Variants in UBR7 observed in about 807,000 individuals in gnomAD.
UBR7 encodes the protein putative E3 ubiquitin-protein ligase UBR7.
A neutral mutation model predicts 57.0 loss-of-function variants in UBR7; 22 were observed. The observed-to-expected ratio is 0.39, with a 90% confidence interval of 0.28 to 0.55. UBR7 has a LOEUF of 0.55. Among genes scored for constraint, UBR7 ranks in the 20% least tolerant of loss-of-function variants. The pLI is 0.69. For synonymous variants in UBR7, 167 were observed against 179.8 expected (o/e 0.93, Z 0.57); for missense variants, 395 against 513.2 (o/e 0.77, Z 2.23).
Position 93,228,374 on chromosome 14 carries a change from C to T in UBR7, c.*1339C>T. On this transcript the variant is annotated 3_prime_UTR_variant, in exon 11 of 11. Coordinates refer to ENST00000013070, the MANE Select transcript of UBR7 (RefSeq NM_175748.4). ...AGGTCTTTCCTGACAGTCGGAGACA[C>T]ACCTTGATGTATGTTAATAAAAGCA... The T allele has an allele frequency of 4.4e-6, 2 of 454,606 alleles. No homozygotes were observed. The highest frequency in any genetic ancestry group is 3.1e-5 in the South Asian group (2 of 64,472). 28.2% of individuals were successfully genotyped at this position (454,606 alleles called of 1,614,324 possible). A position where few individuals can be genotyped will look rare whatever the true frequency, so the allele number is the denominator to read the frequency against.
rs1894462107 is a variant in UBR7, at chr14:93,210,572, G to T, written c.285-76G>T. The T allele has an allele frequency of 1.6e-5, 20 of 1,276,672 alleles. No individual in the cohort carries two copies. In the South Asian group the frequency reaches 2.3e-4, roughly 15 times the overall value. The allele number at this position is 1,276,672 out of a possible 1,614,324, so 79.1% of individuals were successfully genotyped here. On this transcript the variant is annotated intron_variant, in intron 2 of 10. Transcript: ENST00000013070. The stretch of plus-strand genomic sequence containing the variant: ...CCCGAATTGTGAAGTCTTACTATGT[G>T]CTTGAATGCTTGAAGAAATTTTAAA...
At chr14:93,217,581 GTAT>G (rs1297087044) in intron 6 of UBR7, among the ~76,000 whole-genome samples, 1 of 151,956 alleles carries the variant, frequency 6.6e-6, no homozygotes, top group African/African-American at 2.4e-5. Flanking sequence ...CCTGCTTCTT[GTAT>G]TATTCTGTCT....
Position 93,220,351 on chromosome 14 carries a change from G to A in UBR7, c.1063G>A (p.Asp355Asn), listed in dbSNP as rs1364822082. 1.9e-6 allele frequency: 3 copies of A among 1,613,212 alleles called. No homozygotes were observed. Among genetic ancestry groups the A allele is most frequent in the Admixed American group, 1.7e-5 (1 of 59,886 alleles). Residue 355 changes from aspartate (D) to asparagine (N), a missense_variant, in exon 9 of 11, where the codon GAT becomes AAT. By Grantham distance (23) the Asp-to-Asn change is conservative. Transcript: ENST00000013070. ...GKIAQATDRS[D>N]PLMDTLSSMN... ...GATTGCCCAGGCCACTGACAGGAGC[G>A]ATCCCCTAATGGATACCCTTAGCAG...
At chr14:93,211,287 C>T (rs1316379763) in intron 3 of UBR7, among the ~76,000 whole-genome samples, 1 of 151,722 alleles carries the variant, frequency 6.6e-6, no homozygotes, top group Non-Finnish European at 1.5e-5. Context: ...TGGCTCACAC[C>T]TGTAATCCTA....
At chr14:93,207,882 T>C (rs527601382) in intron 1 of UBR7, among the ~76,000 whole-genome samples, 1 of 152,328 alleles carries the variant, frequency 6.6e-6, no homozygotes, top group Admixed American at 6.5e-5. Context: ...TTCAAATCCA[T>C]AGGGATTTGC....
At chr14:93,215,762 C>T (rs1894579205) in intron 6 of UBR7, among the ~76,000 whole-genome samples, 1 of 150,840 alleles carries the variant, frequency 6.6e-6, no homozygotes, top group Admixed American at 6.6e-5. Context: ...TGGGATACTA[C>T]CAAAAACAAA....
At chr14:93,219,907 G>A (rs970741339) in intron 8 of UBR7, among the ~76,000 whole-genome samples, 27 of 152,076 alleles carry the variant, frequency 1.8e-4, no homozygotes, top group Non-Finnish European at 3.4e-4. Context: ...CCCAGAAGGC[G>A]GAGGTTGCAA....
intron 4 of UBR7, among the ~76,000 whole-genome samples, chr14:93,214,425 C>T (rs968154421): frequency 1.3e-5 from 2 of 152,176 alleles, no homozygotes; most frequent in Admixed American, 1.3e-4. Context: ...ATATTATTTT[C>T]CTAGGGCCAG....
Position 93,213,177 on chromosome 14 carries a change from G to C in UBR7, c.441+1050G>C, listed in dbSNP as rs1337585421. 2.0e-5 allele frequency among the ~76,000 whole-genome samples: 3 copies of C among 152,038 alleles called. No individual in the cohort carries two copies. In the South Asian group the frequency reaches 6.2e-4, roughly 32 times the overall value. On this transcript the variant is annotated intron_variant, in intron 4 of 10. Transcript: ENST00000013070. ...ATAATAAATAATAAAATAAAATTGT[G>C]ATCATATCTGCCAAAAAAGTTGTAC...
intron 10 of UBR7, among the ~76,000 whole-genome samples, chr14:93,226,072 G>A (rs945920290): frequency 2.6e-5 from 4 of 152,182 alleles, no homozygotes; most frequent in Admixed American, 1.3e-4. Flanking sequence ...TGGTTGAGCA[G>A]CAGTATTACT....
At position 93,228,954 on chromosome 14, in the gene UBR7, C is replaced by T; in HGVS notation, c.*1919C>T. 2.2e-6 allele frequency: 1 copy of T among 454,102 alleles called. No homozygotes were observed. Among genetic ancestry groups the T allele is most frequent in the Non-Finnish European group, 4.4e-6 (1 of 226,796 alleles). The allele number at this position is 454,102 out of a possible 1,614,324, so 28.1% of individuals were successfully genotyped here. On this transcript the variant is annotated 3_prime_UTR_variant, in exon 11 of 11. Coordinates refer to ENST00000013070, the MANE Select transcript of UBR7 (RefSeq NM_175748.4). ...ATGAAAGGTACTATTCCTTCTTTCA[C>T]ATTAACTGGAAACCTCTTTTTTTAC...
chr14:93,218,483 G>A, intron 6 of UBR7, 44 bp from the exon 7 acceptor site: 1 of 1,513,702 alleles, frequency 6.6e-7, no homozygotes, highest in Non-Finnish European at 9.2e-7. Flanking sequence ...CGTTAGGTCA[G>A]TGGATATGTG....
intron 4 of UBR7, among the ~76,000 whole-genome samples, chr14:93,213,279 C>G (rs115761954): frequency 0.024 from 3,588 of 152,056 alleles, 157 homozygotes; most frequent in African/African-American, 0.083. Context: ...GAAAATTTTG[C>G]CATTCTGATA....
At chr14:93,215,349 AT>A in intron 6 of UBR7, 68 bp downstream of exon 6, 1 of 1,340,204 alleles carries the variant, frequency 7.5e-7, no homozygotes, top group Non-Finnish European at 1.0e-6. Context: ...TCAATTCAGA[AT>A]TTTTAGCAAC....
rs893967342 is a variant in UBR7 at position 93,228,686 on chromosome 14, GTTGT to G, written c.*1654_*1657del. 5 of 454,118 alleles carry G rather than the reference GTTGT, an allele frequency of 1.1e-5. No homozygotes were observed. The highest frequency in any genetic ancestry group is 1.8e-5 in the Non-Finnish European group (4 of 226,790). 28.1% of individuals were successfully genotyped at this position (454,118 alleles called of 1,614,324 possible). On this transcript the variant is annotated 3_prime_UTR_variant, in exon 11 of 11. Transcript: ENST00000013070. ...TTCAAAGGCTCGGGGTGTCTTTGAG[GTTGT>G]TTATCAAGCTGGGGAACTCTTCCAA...
At chr14:93,224,676 C>T (rs1470379287) in intron 10 of UBR7, among the ~76,000 whole-genome samples, 1 of 152,226 alleles carries the variant, frequency 6.6e-6, no homozygotes, top group Non-Finnish European at 1.5e-5. Context: ...CTCGCCCGGC[C>T]TTCCCTACAG....
At chr14:93,213,348 C>A (rs1275181733) in intron 4 of UBR7, among the ~76,000 whole-genome samples, 1 of 151,046 alleles carries the variant, frequency 6.6e-6, no homozygotes, top group Admixed American at 6.6e-5. Context: ...CGCTCTGTCA[C>A]CCAGGCTGGA....
rs539506225 is a variant in UBR7, at chr14:93,208,011, G to GC, written c.150+576dup. Among the ~76,000 whole-genome samples the GC allele has an allele frequency of 3.7e-3, 568 of 152,060 alleles. 7 individuals carry two copies. The highest frequency in any genetic ancestry group is 0.013 in the African/African-American group (553 of 41,470). On this transcript the variant is annotated intron_variant, in intron 1 of 10. Transcript: ENST00000013070. ...AAGTACCCATGTCTATCTGCAGTCTGCCCCCCTCCCCTGGAAATAGACCGG... is the reference window on the plus strand; with the variant it reads ...AAGTACCCATGTCTATCTGCAGTCTGCCCCCCCTCCCCTGGAAATAGACCGG...
chr14:93,210,170 G>A (rs111826589), intron 2 of UBR7, among the ~76,000 whole-genome samples: 11 of 151,962 alleles, frequency 7.2e-5, no homozygotes, highest in African/African-American at 1.9e-4. Flanking sequence ...TGCAAGCTCC[G>A]TCTCCCGGGT....
Sources: allele counts gnomAD v4.1 joint callset (sites outside exome capture counted in the v4.1 genomes callset), GRCh38; gene constraint gnomAD v4.1.1; transcripts MANE v1.5; gene names NCBI Gene and HGNC (gene_info 2026-07-23, HGNC 2026-07-21).